ASAP1: variants seen among roughly 807,000 people sequenced by gnomAD.
The protein encoded by ASAP1 is ArfGAP with SH3 domain, ankyrin repeat and PH domain 1, also known as arf-GAP with SH3 domain, ANK repeat and PH domain-containing protein 1.
Under a neutral mutation model 145.2 loss-of-function variants are expected in ASAP1, and 43 were observed. That is an observed-to-expected ratio of 0.30 (90% confidence interval 0.23 to 0.38). ASAP1 has a LOEUF of 0.38. ASAP1 is among the 10% of genes least tolerant of loss of function. The probability of loss-of-function intolerance (pLI) is 1.00; values close to 1 mark genes in which losing one functional copy is unlikely to be tolerated. For synonymous variants in ASAP1, 546 were observed against 515.5 expected, an observed-to-expected ratio of 1.06 and a Z score of -0.80; for missense variants, 1,018 against 1,355.3, an observed-to-expected ratio of 0.75 and a Z score of 3.91.
At chr8:130,170,035 T>A (rs1813471703) in intron 9 of ASAP1, among the ~76,000 whole-genome samples, 1 of 152,154 alleles carries the variant, frequency 6.6e-6, no homozygotes, top group Non-Finnish European at 1.5e-5. Context: ...TCTAACCATG[T>A]CCCTACAGCA....
At chr8:130,196,634 T>A (rs569145301) in intron 5 of ASAP1, among the ~76,000 whole-genome samples, 1 of 152,262 alleles carries the variant, frequency 6.6e-6, no homozygotes, top group Non-Finnish European at 1.5e-5. Context: ...AATGAGGACA[T>A]AATTTGCTTG....
chr8:130,397,478 G>A (rs777082642), intron 2 of ASAP1, among the ~76,000 whole-genome samples: 1 of 152,104 alleles, frequency 6.6e-6, no homozygotes. Context: ...CTGTATACAC[G>A]TCTTCATAAG....
At position 130,314,144 on chromosome 8, in the gene ASAP1, T is replaced by C. The variant is rs532202399; in HGVS notation, c.186+43873A>G. 2.6e-5 allele frequency among the ~76,000 whole-genome samples: 4 copies of C among 152,330 alleles called. No individual in the cohort carries two copies. The South Asian group carries it at 8.3e-4, about 32-fold the overall frequency. ...GAAAACAATCATGCAAGGCTCTCAC[T>C]TGGGGTCAAAAAGGTAAGCTTCCTC... On this transcript the variant is annotated intron_variant, in intron 3 of 29. Coordinates refer to ENST00000518721, the MANE Select transcript of ASAP1 (RefSeq NM_018482.4).
chr8:130,285,067 C>A (rs1385911810), intron 3 of ASAP1, among the ~76,000 whole-genome samples: 1 of 152,038 alleles, frequency 6.6e-6, no homozygotes, highest in African/African-American at 2.4e-5. Flanking sequence ...CTAGTGGTTC[C>A]TTATAATTTG....
At chr8:130,081,338 C>G (rs905306672) in intron 25 of ASAP1, among the ~76,000 whole-genome samples, 1 of 152,170 alleles carries the variant, frequency 6.6e-6, no homozygotes, top group Non-Finnish European at 1.5e-5. Flanking sequence ...GAGTGCAGGG[C>G]AGTTGTGGAG....
At chr8:130,403,874 C>T (rs1828912829) in intron 1 of ASAP1, among the ~76,000 whole-genome samples, 1 of 152,088 alleles carries the variant, frequency 6.6e-6, no homozygotes, top group Admixed American at 6.6e-5. Flanking sequence ...TTTCTTAGAT[C>T]CTGGAACATG....
At chr8:130,202,398 T>C (rs1586583332) in intron 5 of ASAP1, among the ~76,000 whole-genome samples, 1 of 152,304 alleles carries the variant, frequency 6.6e-6, no homozygotes, top group East Asian at 1.9e-4. Flanking sequence ...ATATTATGTA[T>C]AAGCAATCTC....
intron 2 of ASAP1, among the ~76,000 whole-genome samples, chr8:130,363,694 C>T (rs1332023671): frequency 6.6e-6 from 1 of 152,202 alleles, no homozygotes; most frequent in African/African-American, 2.4e-5. Context: ...AATAAAATCT[C>T]ACTGCAAGTT....
Position 130,112,173 on chromosome 8 carries a change from G to C in ASAP1, c.2322C>G (p.Ile774Met). ...GCGAGTCTGTGCTTGTGGAAACGAA[G>C]ATCTGGTTGGTGAAGGCTCCATAGG... ...RLSYGAFTNQ[I>M]FVSTSTDSPT... The change falls in exon 24 of 30, where the codon ATC (isoleucine) becomes ATG (methionine). Residue 774 changes from isoleucine to methionine, a missense_variant. Physicochemically the swap from Ile to Met is conservative, Grantham distance 10 (BLOSUM62 1). This residue lies in a region of ASAP1 where 353 missense variants were observed against 375.4 expected (regional missense o/e 0.94). Coordinates refer to ENST00000518721, the MANE Select transcript of ASAP1 (RefSeq NM_018482.4). 10 of 1,614,154 alleles carry C rather than the reference G, an allele frequency of 6.2e-6. No individual in the cohort carries two copies. The highest frequency in any genetic ancestry group is 1.6e-4 in the Middle Eastern group (1 of 6,062).
At chr8:130,419,368 T>C (rs1587010349) in intron 1 of ASAP1, among the ~76,000 whole-genome samples, 1 of 152,272 alleles carries the variant, frequency 6.6e-6, no homozygotes, top group East Asian at 1.9e-4. Context: ...CAATAAGATA[T>C]GAGGCTGGAG....
intron 2 of ASAP1, among the ~76,000 whole-genome samples, chr8:130,381,675 T>A (rs1226193638): frequency 1.3e-5 from 2 of 152,164 alleles, no homozygotes; most frequent in Non-Finnish European, 2.9e-5. Flanking sequence ...TCTACTCCCA[T>A]GACTTAGTCT....
intron 1 of ASAP1, among the ~76,000 whole-genome samples, chr8:130,416,802 T>C (rs1212467256): frequency 6.6e-6 from 1 of 152,206 alleles, no homozygotes; most frequent in Non-Finnish European, 1.5e-5. Context: ...ACAGAAATCA[T>C]AATGACCACA....
At chr8:130,138,503 G>A (rs1022989389) in intron 13 of ASAP1, among the ~76,000 whole-genome samples, 1 of 152,136 alleles carries the variant, frequency 6.6e-6, no homozygotes. Context: ...AAACCTAGAA[G>A]GGGAGGCAGG....
At chr8:130,220,568 G>T (rs1014307774) in intron 4 of ASAP1, among the ~76,000 whole-genome samples, 4 of 152,154 alleles carry the variant, frequency 2.6e-5, no homozygotes, top group Non-Finnish European at 5.9e-5. Flanking sequence ...TGGGTGCAGT[G>T]GTTCATACCT....
Position 130,054,668 on chromosome 8 carries a change from G to A in ASAP1, c.*63C>T, listed in dbSNP as rs1592699981. Reference sequence around the variant, plus strand: ...AGCAGCTATATACACACTGTGCCCAGGGTTACATGAAGGCAGCAGTCTTGC... The same window carrying A: ...AGCAGCTATATACACACTGTGCCCAAGGTTACATGAAGGCAGCAGTCTTGC... On this transcript the variant is annotated 3_prime_UTR_variant, in exon 30 of 30. Transcript: ENST00000518721. 1.4e-6 allele frequency: 2 copies of A among 1,431,792 alleles called. No individual in the cohort carries two copies. Among genetic ancestry groups the A allele is most frequent in the Non-Finnish European group, 2.0e-6 (2 of 1,015,772 alleles). The allele number at this position is 1,431,792 out of a possible 1,614,324, so 88.7% of individuals were successfully genotyped here.
At chr8:130,390,036 G>A (rs1247130869) in intron 2 of ASAP1, among the ~76,000 whole-genome samples, 1 of 152,152 alleles carries the variant, frequency 6.6e-6, no homozygotes, top group Non-Finnish European at 1.5e-5. Flanking sequence ...CAGGTTCCTT[G>A]ACCCTACTAC....
chr8:130,294,323 A>G (rs1377966380), intron 3 of ASAP1, among the ~76,000 whole-genome samples: 1 of 152,206 alleles, frequency 6.6e-6, no homozygotes, highest in Non-Finnish European at 1.5e-5. Flanking sequence ...ACGGAGCGTC[A>G]GAAAGGTGAC....
At chr8:130,250,646 A>G (rs1409364966) in intron 3 of ASAP1, among the ~76,000 whole-genome samples, 1 of 152,148 alleles carries the variant, frequency 6.6e-6, no homozygotes, top group Admixed American at 6.5e-5. Flanking sequence ...ATTTTTTAAT[A>G]AGGAGAGAAA....
At chr8:130,409,806 G>T (rs559228553) in intron 1 of ASAP1, among the ~76,000 whole-genome samples, 3 of 152,320 alleles carry the variant, frequency 2.0e-5, no homozygotes, top group African/African-American at 7.2e-5. Flanking sequence ...CAGAACCACT[G>T]TCTTGCTGGA....
Sources: allele counts gnomAD v4.1 joint callset (sites outside exome capture counted in the v4.1 genomes callset), GRCh38; gene constraint gnomAD v4.1.1; regional missense constraint gnomAD v4.1.1; transcripts MANE v1.5; gene names NCBI Gene and HGNC (gene_info 2026-07-23, HGNC 2026-07-21).